The following SHTN1 variants were observed in gnomAD, a reference collection of about 807,000 sequenced individuals.
SHTN1 encodes the protein shootin-1.
In SHTN1, 42 loss-of-function variants were observed where a neutral mutation model predicts 83.1. The ratio of observed to expected loss-of-function variants is 0.51; its 90% CI spans 0.39 to 0.65. The LOEUF (loss-of-function observed/expected upper bound fraction) is 0.65. Among genes scored for constraint, SHTN1 ranks in the 30% least tolerant of loss-of-function variants. The pLI, the probability that SHTN1 is intolerant of heterozygous loss-of-function variation, is 0.00. For missense variants in SHTN1, 622 were observed against 737.8 expected (o/e 0.84, Z 1.82); for synonymous variants, 224 against 247.7 (o/e 0.90, Z 0.90).
intron 1 of SHTN1, among the ~76,000 whole-genome samples, chr10:116,991,041 C>A (rs1042514966): frequency 6.6e-6 from 1 of 152,064 alleles, no homozygotes; most frequent in Admixed American, 6.6e-5. Context: ...AAAAAATTAG[C>A]CAGGCGCGGT....
intron 12 of SHTN1, among the ~76,000 whole-genome samples, 189 bp downstream of exon 12, chr10:116,921,245 G>A (rs1457386867): frequency 1.3e-5 from 2 of 152,094 alleles, no homozygotes; most frequent in African/African-American, 4.8e-5. Context: ...AGTGAGGTGT[G>A]CGTGTTTATC....
Position 116,953,621 on chromosome 10 carries a change from TTG to T in SHTN1, c.436+419_436+420del, listed in dbSNP as rs1305473439. ...AGGACCCAGGCATCAGTTTTGTGTT[TTG>T]TTTTTTTTTTTTTTTTTTTTTTGAG... On this transcript the variant is annotated intron_variant, in intron 5 of 16. Transcript: ENST00000355371. Among the ~76,000 whole-genome samples the T allele has an allele frequency of 1.7e-4, 21 of 120,326 alleles. 1 individual carries two copies. The highest frequency in any genetic ancestry group is 4.3e-4 in the African/African-American group (16 of 37,322). 78.9% of individuals were successfully genotyped at this position (120,326 alleles called of 152,430 possible).
chr10:117,084,946 T>C (rs1853328614), intron 1 of SHTN1, among the ~76,000 whole-genome samples: 1 of 152,048 alleles, frequency 6.6e-6, no homozygotes, highest in Non-Finnish European at 1.5e-5. Context: ...TGGCACTCCC[T>C]AGTGAGATGA....
chr10:117,011,589 T>TA (rs1378196752), intron 2 of SHTN1, among the ~76,000 whole-genome samples: 4 of 152,204 alleles, frequency 2.6e-5, no homozygotes, highest in Non-Finnish European at 5.9e-5. Flanking sequence ...ACAAGGTCAA[T>TA]AAGCCCTTGA....
intron 1 of SHTN1, among the ~76,000 whole-genome samples, chr10:117,082,930 T>A (rs1373256276): frequency 6.6e-6 from 1 of 151,150 alleles, no homozygotes; most frequent in African/African-American, 2.4e-5. Flanking sequence ...CTATGTGTGC[T>A]CTGCACGTGA....
chr10:117,015,555 T>C (rs775195182), intron 2 of SHTN1, among the ~76,000 whole-genome samples: 6 of 152,178 alleles, frequency 3.9e-5, no homozygotes, highest in Non-Finnish European at 8.8e-5. Context: ...GGTCTCGAAC[T>C]TCCAACCTCA....
chr10:116,996,519 C>T (rs1055987997), intron 1 of SHTN1, among the ~76,000 whole-genome samples: 4 of 152,186 alleles, frequency 2.6e-5, no homozygotes, highest in Admixed American at 6.5e-5. Flanking sequence ...ATTGCAATTG[C>T]CTGCCCCACT....
intron 1 of SHTN1, among the ~76,000 whole-genome samples, chr10:116,998,555 T>C (rs1361253074): frequency 1.3e-5 from 2 of 152,198 alleles, no homozygotes; most frequent in Non-Finnish European, 2.9e-5. Flanking sequence ...CAGATACGTA[T>C]GCACAGGAAA....
chr10:117,077,010 A>ACC (rs1853167328), intron 1 of SHTN1, among the ~76,000 whole-genome samples: 1 of 152,152 alleles, frequency 6.6e-6, no homozygotes, highest in Non-Finnish European at 1.5e-5. Context: ...TTTCACTGGT[A>ACC]TATTTACATC....
chr10:116,910,130 T>C (rs1039184383), intron 14 of SHTN1, among the ~76,000 whole-genome samples: 1 of 152,216 alleles, frequency 6.6e-6, no homozygotes, highest in Non-Finnish European at 1.5e-5. Context: ...GTGTGGTTTA[T>C]AGGCTCCAGG....
rs568877362 is a variant in SHTN1, at chr10:117,077,994, C to T, written c.-188-29484G>A. Among the ~76,000 whole-genome samples, 58 of 152,252 alleles carry T rather than the reference C, an allele frequency of 3.8e-4. No individual in the cohort carries two copies. In the South Asian group the frequency reaches 0.011, roughly 29 times the overall value. On this transcript the variant is annotated intron_variant, in intron 1 of 17. Coordinates refer to the SHTN1 transcript ENST00000392901. ...TCTTACCTTAATCGAAGAAGGTCGA[C>T]GATTAACAGCACAAACAATAGCCAG...
intron 2 of SHTN1, among the ~76,000 whole-genome samples, chr10:117,029,905 T>C (rs1445129141): frequency 3.3e-5 from 5 of 150,812 alleles, no homozygotes; most frequent in Non-Finnish European, 7.4e-5. Flanking sequence ...TTTTTTTTTT[T>C]TTTTGTGTCT....
chr10:116,968,722 G>A lies in SHTN1; in HGVS notation c.112-10C>T. 4 of 1,605,632 alleles carry A rather than the reference G, an allele frequency of 2.5e-6. No individual in the cohort carries two copies. Among genetic ancestry groups the A allele is most frequent in the Non-Finnish European group, 3.4e-6 (4 of 1,173,618 alleles). ...GCCTAATTTTGTCACACTGAAATGA[G>A]AGAAGTAAACAAATGTTAAACTTCA... On this transcript the variant is annotated splice_polypyrimidine_tract_variant and intron_variant, in intron 2 of 16. Coordinates refer to ENST00000355371, the MANE Select transcript of SHTN1 (RefSeq NM_001127211.3).
rs943433960 is a variant in SHTN1 at position 116,884,703 on chromosome 10, C to T, written c.*1641G>A. The T allele has an allele frequency of 6.4e-6, 1 of 155,704 alleles. No homozygotes were observed. Among genetic ancestry groups the T allele is most frequent in the Non-Finnish European group, 1.4e-5 (1 of 69,934 alleles). The allele number at this position is 155,704 out of a possible 1,614,324, so 9.6% of individuals were successfully genotyped here. A position where few individuals can be genotyped will look rare whatever the true frequency, so the allele number is the denominator to read the frequency against. The stretch of plus-strand genomic sequence containing the variant: ...CCATCTTAGGGACTATTAAAAATTA[C>T]TAAAGTTGTCAAATCATATACAATT... On this transcript the variant is annotated 3_prime_UTR_variant, in exon 17 of 17. Coordinates refer to ENST00000355371, the MANE Select transcript of SHTN1 (RefSeq NM_001127211.3).
chr10:116,923,514 TAA>T (rs914426076), intron 11 of SHTN1, among the ~76,000 whole-genome samples: 3 of 151,374 alleles, frequency 2.0e-5, no homozygotes, highest in Admixed American at 6.6e-5. Flanking sequence ...ATATACAGAG[TAA>T]CACCTGTTCA....
At chr10:116,943,424 G>A (rs1231961722) in intron 8 of SHTN1, among the ~76,000 whole-genome samples, 1 of 152,122 alleles carries the variant, frequency 6.6e-6, no homozygotes, top group Non-Finnish European at 1.5e-5. Flanking sequence ...GACCTTTCCA[G>A]TTTTGCAATA....
At chr10:116,935,591 A>G (rs2133387538) in intron 9 of SHTN1, among the ~76,000 whole-genome samples, 1 of 152,284 alleles carries the variant, frequency 6.6e-6, no homozygotes, top group Admixed American at 6.5e-5. Context: ...GGATTTTCAC[A>G]TTGATGTTCA....
intron 2 of SHTN1, among the ~76,000 whole-genome samples, chr10:117,038,123 G>A (rs2133578210): frequency 6.6e-6 from 1 of 151,890 alleles, no homozygotes; most frequent in Admixed American, 6.6e-5. Context: ...AGATGAGCTT[G>A]GGTTTGGAGA....
intron 1 of SHTN1, among the ~76,000 whole-genome samples, chr10:117,058,763 C>T (rs534537131): frequency 5.3e-5 from 8 of 152,132 alleles, no homozygotes; most frequent in East Asian, 3.9e-4. Context: ...TAGATGAATG[C>T]GCAAGCAAAA....
Sources: gnomAD v4.1 joint callset for allele counts (sites outside exome capture counted in the v4.1 genomes callset) on GRCh38, gnomAD v4.1.1 for gene constraint, MANE v1.5 for transcripts, NCBI Gene and HGNC (gene_info 2026-07-23, HGNC 2026-07-21) for gene names.